Variants in CNTLN observed in about 807,000 individuals in gnomAD.
The protein encoded by CNTLN is centlein, centrosomal protein.
In CNTLN, 212 loss-of-function variants were observed where a neutral mutation model predicts 180.0. The ratio of observed to expected loss-of-function variants is 1.18; its 90% CI spans 1.05 to 1.32. The LOEUF (loss-of-function observed/expected upper bound fraction) is 1.32. Among genes scored for constraint, CNTLN ranks in the 40% most tolerant of loss-of-function variants. CNTLN has a pLI of 0.00. For missense variants in CNTLN, 2,095 were observed against 1,610.9 expected (o/e 1.30, Z -5.14); for synonymous variants, 722 against 563.1 (o/e 1.28, Z -3.99).
intron 15 of CNTLN, among the ~76,000 whole-genome samples, chr9:17,404,504 C>T (rs1278724126): frequency 6.6e-6 from 1 of 151,584 alleles, no homozygotes; most frequent in Non-Finnish European, 1.5e-5. Flanking sequence ...ATTCCCTATA[C>T]TGAGCTAAAA....
chr9:17,315,815 TA>T (rs1819502343), intron 8 of CNTLN, among the ~76,000 whole-genome samples: 6 of 152,080 alleles, frequency 3.9e-5, no homozygotes, highest in African/African-American at 1.4e-4. Context: ...GAATATTCTA[TA>T]AATGTCATTT....
At chr9:17,282,033 G>A (rs1828698064) in intron 6 of CNTLN, among the ~76,000 whole-genome samples, 1 of 152,138 alleles carries the variant, frequency 6.6e-6, no homozygotes, top group Non-Finnish European at 1.5e-5. Context: ...AGCGATCTCG[G>A]CTCACTGCAA....
chr9:17,307,306 T>A (rs1818786609), intron 7 of CNTLN, among the ~76,000 whole-genome samples: 1 of 152,104 alleles, frequency 6.6e-6, no homozygotes, highest in Admixed American at 6.6e-5. Flanking sequence ...TCTCCCCATG[T>A]CACCCAGACT....
chr9:17,273,948 C>G, intron 6 of CNTLN, 82 bp downstream of exon 6: 3 of 1,030,798 alleles, frequency 2.9e-6, no homozygotes, highest in Non-Finnish European at 4.2e-6. Context: ...TTATTACTAA[C>G]ACCCTAAAAT....
At chr9:17,161,864 G>A (rs1819703658) in intron 2 of CNTLN, among the ~76,000 whole-genome samples, 1 of 152,128 alleles carries the variant, frequency 6.6e-6, no homozygotes, top group Non-Finnish European at 1.5e-5. Context: ...GATCCATCCA[G>A]AGTTGAGCTA....
At chr9:17,253,100 G>A in intron 5 of CNTLN, among the ~76,000 whole-genome samples, 1 of 151,472 alleles carries the variant, frequency 6.6e-6, no homozygotes, top group Non-Finnish European at 1.5e-5. Flanking sequence ...ATTTACTTCT[G>A]GGTTCTATAT....
At chr9:17,137,548 G>C (rs1194439089) in intron 1 of CNTLN, among the ~76,000 whole-genome samples, 2 of 152,088 alleles carry the variant, frequency 1.3e-5, no homozygotes, top group Non-Finnish European at 2.9e-5. Flanking sequence ...TTTTCAGAAA[G>C]AATACATGCC....
intron 25 of CNTLN, among the ~76,000 whole-genome samples, chr9:17,499,983 G>C (rs1364456266): frequency 6.6e-6 from 1 of 152,078 alleles, no homozygotes; most frequent in Admixed American, 6.6e-5. Context: ...ACACTAGTAA[G>C]ATATATGAAA....
chr9:17,283,918 A>G lies in CNTLN; in HGVS notation c.983+10052A>G, dbSNP rs549186306. On this transcript the variant is annotated intron_variant, in intron 6 of 25. Transcript: ENST00000380647. ...AGATTTATTGATTTGTGTATGTTGA[A>G]CCAGCCTTGCATCTTGGGAATGAAG... Among the ~76,000 whole-genome samples, 14 of 152,238 alleles carry G rather than the reference A, an allele frequency of 9.2e-5. No individual in the cohort carries two copies. In the South Asian group the frequency reaches 2.3e-3, roughly 25 times the overall value.
chr9:17,282,407 G>A (rs201758994), intron 6 of CNTLN, among the ~76,000 whole-genome samples: 3 of 151,998 alleles, frequency 2.0e-5, no homozygotes, highest in East Asian at 1.9e-4. Context: ...GTGTCTGTTC[G>A]TGTCCTTTGC....
intron 15 of CNTLN, among the ~76,000 whole-genome samples, chr9:17,397,959 G>A (rs1000762642): frequency 2.0e-5 from 3 of 152,070 alleles, no homozygotes; most frequent in Admixed American, 1.3e-4. Flanking sequence ...GACTTCAGAA[G>A]ATTCTTTCTT....
intron 3 of CNTLN, among the ~76,000 whole-genome samples, chr9:17,226,743 A>G (rs918472681): frequency 6.6e-6 from 1 of 151,950 alleles, no homozygotes; most frequent in Non-Finnish European, 1.5e-5. Flanking sequence ...GGTAATTAAT[A>G]AGAAAGAGGT....
chr9:17,361,266 G>A (rs1823367698), intron 12 of CNTLN, among the ~76,000 whole-genome samples: 2 of 151,776 alleles, frequency 1.3e-5, no homozygotes, highest in African/African-American at 2.4e-5. Flanking sequence ...CTGTGTCCAT[G>A]TGTTCTCATT....
intron 6 of CNTLN, among the ~76,000 whole-genome samples, chr9:17,292,386 C>T (rs1488800156): frequency 6.6e-6 from 1 of 152,172 alleles, no homozygotes; most frequent in East Asian, 1.9e-4. Flanking sequence ...AGATGATATC[C>T]TGAGGTATGT....
intron 12 of CNTLN, among the ~76,000 whole-genome samples, chr9:17,354,450 AAT>A (rs1164211851): frequency 6.6e-6 from 1 of 152,136 alleles, no homozygotes; most frequent in Non-Finnish European, 1.5e-5. Flanking sequence ...AGGGATTGTA[AAT>A]ATACACCAAT....
At chr9:17,211,556 G>A (rs188311992) in intron 2 of CNTLN, among the ~76,000 whole-genome samples, 2,105 of 152,048 alleles carry the variant, frequency 0.014, 49 homozygotes, top group African/African-American at 0.047. Flanking sequence ...TTGGTTCCAT[G>A]TGAACTTTAA....
At chr9:17,370,672 A>G (rs1824241657) in intron 13 of CNTLN, among the ~76,000 whole-genome samples, 1 of 152,236 alleles carries the variant, frequency 6.6e-6, no homozygotes, top group Non-Finnish European at 1.5e-5. Flanking sequence ...GTAATACCGT[A>G]ACAGTGGTAT....
At chr9:17,194,825 T>C (rs1822021376) in intron 2 of CNTLN, among the ~76,000 whole-genome samples, 1 of 152,192 alleles carries the variant, frequency 6.6e-6, no homozygotes, top group African/African-American at 2.4e-5. Context: ...AGAAGTTTAA[T>C]TGGACTTACA....
chr9:17,494,415 A>G (rs898500834), intron 25 of CNTLN, among the ~76,000 whole-genome samples: 1 of 152,098 alleles, frequency 6.6e-6, no homozygotes, highest in Non-Finnish European at 1.5e-5. Flanking sequence ...GCAGGTTGTT[A>G]TATAGGTAAA....
Sources: allele counts gnomAD v4.1 joint callset (sites outside exome capture counted in the v4.1 genomes callset), GRCh38; gene constraint gnomAD v4.1.1; transcripts MANE v1.5; gene names NCBI Gene and HGNC (gene_info 2026-07-23, HGNC 2026-07-21).